Variants in TET3 observed in about 807,000 individuals in gnomAD.
TET3 encodes the protein tet methylcytosine dioxygenase 3, also known as methylcytosine dioxygenase TET3.
TET3 carries 19 observed loss-of-function variants against 141.4 expected under a neutral mutation model. The observed-to-expected ratio is 0.13, with a 90% CI of 0.09 to 0.20. The LOEUF is 0.20. Among genes scored for constraint, TET3 ranks in the 10% least tolerant of loss-of-function variants. The pLI is 1.00. For synonymous variants in TET3, 1,043 were observed against 980.9 expected (o/e 1.06, Z -1.18); for missense variants, 1,874 against 2,356.9 (o/e 0.80, Z 4.24).
At chr2:74,009,178 G>A (rs984175648) in intron 3 of TET3, among the ~76,000 whole-genome samples, 1 of 152,314 alleles carries the variant, frequency 6.6e-6, no homozygotes, top group Admixed American at 6.5e-5. Context: ...AGAAGGAGCC[G>A]TTTCCTGCCA....
chr2:74,084,018 G>A lies in TET3; in HGVS notation c.2679+3427G>A, dbSNP rs116045786. ...AATCTGCAGGAAGCCAGGCAATCAC[G>A]TAGAGAGTTCTAACTCAGTATCTGA... On this transcript the variant is annotated intron_variant, in intron 6 of 11. Coordinates refer to ENST00000409262, the MANE Select transcript of TET3 (RefSeq NM_001287491.2). Among the ~76,000 whole-genome samples, 320 of 152,290 alleles carry A rather than the reference G, an allele frequency of 2.1e-3. 2 individuals carry two copies. The highest frequency in any genetic ancestry group is 7.0e-3 in the African/African-American group (290 of 41,556).
At chr2:73,991,236 C>T (rs1457885814) in intron 2 of TET3, among the ~76,000 whole-genome samples, 2 of 152,136 alleles carry the variant, frequency 1.3e-5, no homozygotes, top group East Asian at 1.9e-4. Flanking sequence ...TTTTTAACTC[C>T]ACGGCCACAG....
Position 74,101,561 on chromosome 2 carries a change from G to T in TET3, c.4773G>T (p.Lys1591Asn), listed in dbSNP as rs1474716281. The T allele has an allele frequency of 6.2e-7, 1 of 1,608,990 alleles. No homozygotes were observed. The highest frequency in any genetic ancestry group is 8.5e-7 in the Non-Finnish European group (1 of 1,177,418). The change falls in exon 12 of 12, where the codon AAG becomes AAT. Residue 1591 changes from lysine (K) to asparagine (N), a missense_variant. This residue lies in a region of TET3 where 602 missense variants were observed against 590.2 expected (regional missense o/e 1.02). Coordinates refer to ENST00000409262, the MANE Select transcript of TET3 (RefSeq NM_001287491.2). This position sits in a 1 kb window ranked among gnomAD's most constrained non-coding sequence, Gnocchi z 8.5. ...GTCTGCCCCTGGGATCCAGCGAGAA[G>T]CTGTTTGGGGCTCTGAAGTCAGAGG... is the stretch of plus-strand genomic sequence containing the variant. Reference protein sequence around the residue: ...SFGLPLGSSEKLFGALKSEEK... With the variant: ...SFGLPLGSSENLFGALKSEEK...
chr2:74,119,301 C>G, the TET3 span, among the ~76,000 whole-genome samples: 482 of 150,094 alleles, frequency 3.2e-3, 15 homozygotes, highest in Admixed American at 0.029. Flanking sequence ...TGCAGTGAGC[C>G]GAGATCGCAC....
At chr2:74,095,338 G>C (rs561236232) in intron 10 of TET3, among the ~76,000 whole-genome samples, 46 of 152,200 alleles carry the variant, frequency 3.0e-4, no homozygotes, top group Non-Finnish European at 2.8e-4. Context: ...CAGTGTTAGA[G>C]AGACGAAGGA....
Position 74,105,619 on chromosome 2 carries a change from C to T in TET3, c.*3443C>T. ...ATGGTGTGCGTGGAAAGAGATGATA[C>T]CCCACCGCCCCCTCTTGGTCCTTCC... On this transcript the variant is annotated 3_prime_UTR_variant, in exon 12 of 12. Transcript: ENST00000409262. 2.6e-6 allele frequency: 1 copy of T among 378,572 alleles called. No homozygotes were observed. Among genetic ancestry groups the T allele is most frequent in the South Asian group, 1.5e-4 (1 of 6,860 alleles). 23.5% of individuals were successfully genotyped at this position (378,572 alleles called of 1,614,324 possible).
chr2:74,064,003 GAA>G (rs1688744589), intron 4 of TET3, among the ~76,000 whole-genome samples: 1 of 152,008 alleles, frequency 6.6e-6, no homozygotes, highest in Non-Finnish European at 1.5e-5. Flanking sequence ...TTCTAAGTAA[GAA>G]AGCCAGGATA....
At position 73,986,511 on chromosome 2, in the gene TET3, C is replaced by T. The variant is rs1404000992; in HGVS notation, c.108C>T (p.Ser36=). The T allele has an allele frequency of 8.1e-7, 1 of 1,232,218 alleles. No homozygotes were observed. The highest frequency in any genetic ancestry group is 1.0e-6 in the Non-Finnish European group (1 of 988,050). The allele number at this position is 1,232,218 out of a possible 1,614,324, so 76.3% of individuals were successfully genotyped here. A position where few individuals can be genotyped will look rare whatever the true frequency, so the allele number is the denominator to read the frequency against. ...GGAGCTTCCCGGGGTCTGGGCTCTC[C>T]ATGGCTGGGAGTGAGTCCCAACTCC... ...MVGSFPGSGL[S]MAGSESQLRG... Residue 36 remains serine, a synonymous_variant, in exon 2 of 12, where the codon TCC becomes TCT. Coordinates refer to ENST00000409262, the MANE Select transcript of TET3 (RefSeq NM_001287491.2).
At chr2:74,031,495 T>C (rs1368323881) in intron 3 of TET3, among the ~76,000 whole-genome samples, 1 of 152,228 alleles carries the variant, frequency 6.6e-6, no homozygotes, top group African/African-American at 2.4e-5. Context: ...TTATCTGGGC[T>C]AATAAACGAG....
Position 74,098,596 on chromosome 2 carries a change from C to CT in TET3, c.3268-665dup, listed in dbSNP as rs11343259. The stretch of plus-strand genomic sequence containing the variant: ...TAGAGTTTATAATAAAAAGGAAACT[C>CT]TTTTTTTTTTTTTTTGAGACGGAGT... On this transcript the variant is annotated intron_variant, in intron 10 of 11. Coordinates refer to ENST00000409262, the MANE Select transcript of TET3 (RefSeq NM_001287491.2). Among the ~76,000 whole-genome samples, 367 of 139,360 alleles carry CT rather than the reference C, an allele frequency of 2.6e-3. 3 individuals carry two copies. The Middle Eastern group carries it at 0.047, about 18-fold the overall frequency. 91.4% of individuals were successfully genotyped at this position (139,360 alleles called of 152,430 possible). A position where few individuals can be genotyped will look rare whatever the true frequency, so the allele number is the denominator to read the frequency against.
chr2:74,018,058 C>T (rs1258913328), intron 3 of TET3, among the ~76,000 whole-genome samples: 1 of 151,460 alleles, frequency 6.6e-6, no homozygotes, highest in African/African-American at 2.4e-5. Flanking sequence ...ACCTCCTCCT[C>T]CCGGATTCAA....
chr2:74,052,981 C>G (rs2103748104), intron 4 of TET3, among the ~76,000 whole-genome samples: 1 of 152,202 alleles, frequency 6.6e-6, no homozygotes, highest in African/African-American at 2.4e-5. Context: ...GTCCCCAACC[C>G]CTTTATGTAA....
At chr2:74,096,176 CTGT>C (rs1690814726) in intron 10 of TET3, among the ~76,000 whole-genome samples, 1 of 152,070 alleles carries the variant, frequency 6.6e-6, no homozygotes, top group South Asian at 2.1e-4. Context: ...TCCCTTTGGT[CTGT>C]TGTTTATAGC....
At chr2:74,052,525 A>T (rs921315362) in intron 4 of TET3, among the ~76,000 whole-genome samples, 2 of 150,040 alleles carry the variant, frequency 1.3e-5, no homozygotes, top group Non-Finnish European at 2.9e-5. Flanking sequence ...ATATGGGAAC[A>T]ACTTTATAAA....
intron 3 of TET3, among the ~76,000 whole-genome samples, chr2:74,006,718 G>GGC (rs1685169431): frequency 1.3e-5 from 2 of 152,304 alleles, no homozygotes; most frequent in South Asian, 4.1e-4. Flanking sequence ...GCTACGGTTT[G>GGC]GCTCAGCTTT....
At chr2:73,992,857 T>C (rs1447282584) in intron 2 of TET3, among the ~76,000 whole-genome samples, 1 of 152,192 alleles carries the variant, frequency 6.6e-6, no homozygotes, top group Non-Finnish European at 1.5e-5. Context: ...GAAAGGCAGG[T>C]GATAAACTTT....
chr2:74,087,826 G>A lies in TET3; in HGVS notation c.2680-4G>A. The stretch of plus-strand genomic sequence containing the variant: ...CCTGCCCCTCACACCCTGCGTCCCT[G>A]CAGGTGATCCGCAGGCACACGCTGG... On this transcript the variant is annotated splice_polypyrimidine_tract_variant and splice_region_variant and intron_variant, in intron 6 of 11. Transcript: ENST00000409262. This position sits in a 1 kb window ranked among gnomAD's most constrained non-coding sequence, Gnocchi z 4.3. The A allele has an allele frequency of 5.8e-6, 9 of 1,547,310 alleles. No individual in the cohort carries two copies. The highest frequency in any genetic ancestry group is 7.9e-6 in the Non-Finnish European group (9 of 1,144,038).
chr2:74,032,599 G>A (rs988149496), intron 3 of TET3, among the ~76,000 whole-genome samples: 1 of 152,012 alleles, frequency 6.6e-6, no homozygotes, highest in Admixed American at 6.6e-5. Context: ...CAGAGCAGCT[G>A]CTGCTGCTTT....
chr2:74,064,720 A>G (rs771386414), intron 4 of TET3, among the ~76,000 whole-genome samples: 12 of 152,222 alleles, frequency 7.9e-5, no homozygotes, highest in Non-Finnish European at 1.0e-4. Flanking sequence ...TTCAATAAAT[A>G]TACTGGAACG....
Sources: allele counts gnomAD v4.1 joint callset (sites outside exome capture counted in the v4.1 genomes callset), GRCh38; gene constraint gnomAD v4.1.1; regional missense constraint gnomAD v4.1.1; non-coding constraint Gnocchi (gnomAD v3.1); transcripts MANE v1.5; gene names NCBI Gene and HGNC (gene_info 2026-07-23, HGNC 2026-07-21).